PSMD8: variants seen among roughly 807,000 people sequenced by gnomAD.
PSMD8 encodes 26S proteasome non-ATPase regulatory subunit 8.
Under a neutral mutation model 40.0 loss-of-function variants are expected in PSMD8, and 30 were observed. The ratio of observed to expected loss-of-function variants is 0.75; its 90% CI spans 0.56 to 1.02. The LOEUF (loss-of-function observed/expected upper bound fraction) is 1.02, where lower values mean the gene tolerates loss of function less well. PSMD8 is among the 50% of genes least tolerant of loss of function. The pLI is 0.00. For missense variants in PSMD8, 461 were observed against 463.9 expected, an observed-to-expected ratio of 0.99 and a Z score of 0.06; for synonymous variants, 208 against 192.5, an observed-to-expected ratio of 1.08 and a Z score of -0.67.
chr19:38,377,000 C>T (rs1970603405), intron 3 of PSMD8, among the ~76,000 whole-genome samples: 1 of 152,204 alleles, frequency 6.6e-6, no homozygotes, highest in East Asian at 1.9e-4. Flanking sequence ...CAGGGCCAGG[C>T]CCAGAACAGG....
At position 38,383,660 on chromosome 19, in the gene PSMD8, C is replaced by T. The variant is rs1970662926; in HGVS notation, c.*270C>T. The T allele has an allele frequency of 2.0e-6, 1 of 493,338 alleles. No individual in the cohort carries two copies. The allele number at this position is 493,338 out of a possible 1,614,324, so 30.6% of individuals were successfully genotyped here. Reference sequence around the variant, plus strand: ...CGCCCACTGTGGGGCCCCAGCAGCACTGTGGCCTGCAGGAGGGCATGGCCC... The same window carrying T: ...CGCCCACTGTGGGGCCCCAGCAGCATTGTGGCCTGCAGGAGGGCATGGCCC... On this transcript the variant is annotated 3_prime_UTR_variant, in exon 7 of 7. Transcript: ENST00000215071.
intron 6 of PSMD8, chr19:38,382,557 G>A (rs1300416481): frequency 9.4e-6 from 5 of 534,218 alleles, no homozygotes; most frequent in Middle Eastern, 4.9e-4. Context: ...CACGAGCAAC[G>A]CTTGGTGTTG....
At chr19:38,381,030 T>A in intron 5 of PSMD8, 31 bp downstream of exon 5, 1 of 1,489,058 alleles carries the variant, frequency 6.7e-7, no homozygotes, top group Non-Finnish European at 9.0e-7. Context: ...CTGTGGAGTT[T>A]GGAAAGAACT....
At position 38,380,725 on chromosome 19, in the gene PSMD8, T is replaced by TGTGTGTGCGCGCGCGTGCGCGC. The variant is rs1555743513; in HGVS notation, c.703-169_703-168insTGCGCGCGCGTGCGCGCGTGTG. 8.4e-3 allele frequency among the ~76,000 whole-genome samples: 1,256 copies of TGTGTGTGCGCGCGCGTGCGCGC among 150,292 alleles called. 9 individuals are homozygous for TGTGTGTGCGCGCGCGTGCGCGC. The highest frequency in any genetic ancestry group is 0.014 in the Non-Finnish European group (942 of 67,408). On this transcript the variant is annotated intron_variant, in intron 4 of 6. Coordinates refer to ENST00000215071, the MANE Select transcript of PSMD8 (RefSeq NM_002812.5). ...GAGAGAGAGTGTGTGTGTGTGTGTG[T>TGTGTGTGCGCGCGCGTGCGCGC]GTGTGCGCATAAACCAGCAAGGGCT...
intron 3 of PSMD8, among the ~76,000 whole-genome samples, chr19:38,377,065 G>A (rs766993187): frequency 2.7e-4 from 41 of 152,230 alleles, no homozygotes; most frequent in Non-Finnish European, 4.4e-4. Context: ...ACAGATTAAT[G>A]ATTGGGAATT....
intron 3 of PSMD8, among the ~76,000 whole-genome samples, chr19:38,377,647 C>A (rs1407593333): frequency 6.6e-6 from 1 of 152,088 alleles, no homozygotes; most frequent in Non-Finnish European, 1.5e-5. Context: ...CAGGCATGCG[C>A]CACCACGCCC....
intron 3 of PSMD8, among the ~76,000 whole-genome samples, chr19:38,378,950 C>T (rs532238599): frequency 6.6e-6 from 1 of 152,262 alleles, no homozygotes; most frequent in Non-Finnish European, 1.5e-5. Flanking sequence ...GAGACTCCTT[C>T]TCAAAAAATA....
Position 38,383,743 on chromosome 19 carries a change from C to A in PSMD8, c.*353C>A. 1 of 259,668 alleles carries A rather than the reference C, an allele frequency of 3.9e-6. No homozygotes were observed. Among genetic ancestry groups the A allele is most frequent in the South Asian group, 8.7e-5 (1 of 11,504 alleles). The allele number at this position is 259,668 out of a possible 1,614,324, so 16.1% of individuals were successfully genotyped here. A position where few individuals can be genotyped will look rare whatever the true frequency, so the allele number is the denominator to read the frequency against. ...CACATAGGAATGCTGGACCAGGGTA[C>A]CAGATTTTTTCAACAAAGGGGGTGA... is the stretch of plus-strand genomic sequence containing the variant. On this transcript the variant is annotated 3_prime_UTR_variant, in exon 7 of 7. Coordinates refer to ENST00000215071, the MANE Select transcript of PSMD8 (RefSeq NM_002812.5).
At chr19:38,375,270 C>CT in intron 1 of PSMD8, 1 of 364,782 alleles carries the variant, frequency 2.7e-6, no homozygotes, top group South Asian at 2.9e-5. Context: ...TAGCGAGACT[C>CT]TGTCTCTACA....
In PSMD8 at chr19:38,383,407, G is replaced by A. The variant is rs763838814; in HGVS notation, c.*17G>A. The stretch of plus-strand genomic sequence containing the variant: ...ATCGTCTGAGCCCCCCGGGCACTGG[G>A]TGGGGCAGGGCACGAGTTATTTAAA... On this transcript the variant is annotated 3_prime_UTR_variant, in exon 7 of 7. Coordinates refer to ENST00000215071, the MANE Select transcript of PSMD8 (RefSeq NM_002812.5). 1.2e-6 allele frequency: 2 copies of A among 1,613,960 alleles called. No homozygotes were observed. Among genetic ancestry groups the A allele is most frequent in the East Asian group, 2.2e-5 (1 of 44,886 alleles).
At chr19:38,383,032 A>T (rs79520405) in intron 6 of PSMD8, among the ~76,000 whole-genome samples, 16 of 152,290 alleles carry the variant, frequency 1.1e-4, no homozygotes, top group Non-Finnish European at 2.2e-4. Context: ...TGATTCACCA[A>T]ATCCTCACAG....
rs1555743507 is a variant in PSMD8 at position 38,380,707 on chromosome 19, A to AGAGAGAGTGT, written c.703-191_703-190insAGAGAGTGTG. On this transcript the variant is annotated intron_variant, in intron 4 of 6. Coordinates refer to ENST00000215071, the MANE Select transcript of PSMD8 (RefSeq NM_002812.5). The stretch of plus-strand genomic sequence containing the variant: ...GAGGGGGTGAGAGAGAGAGAGAGAG[A>AGAGAGAGTGT]GTGTGTGTGTGTGTGTGTGTGTGCG... Among the ~76,000 whole-genome samples, 192 of 120,938 alleles carry AGAGAGAGTGT rather than the reference A, an allele frequency of 1.6e-3. 1 individual carries two copies. The highest frequency in any genetic ancestry group is 6.0e-3 in the African/African-American group (173 of 28,984). The allele number at this position is 120,938 out of a possible 152,430, so 79.3% of individuals were successfully genotyped here.
At chr19:38,382,674 A>T in intron 6 of PSMD8, 1 of 245,812 alleles carries the variant, frequency 4.1e-6, no homozygotes, top group Non-Finnish European at 7.8e-6. Flanking sequence ...TGGGAGGCTG[A>T]GGTGGGAGGA....
intron 5 of PSMD8, 67 bp from the exon 6 acceptor site, chr19:38,382,050 G>A (rs1170648301): frequency 8.7e-7 from 1 of 1,153,790 alleles, no homozygotes; most frequent in East Asian, 2.6e-5. Context: ...CACATGTCAG[G>A]TCTGGGGGGA....
At chr19:38,383,196 G>A (rs537754877) in intron 6 of PSMD8, 57 bp from the exon 7 acceptor site, 3 of 1,605,066 alleles carry the variant, frequency 1.9e-6, no homozygotes, top group Non-Finnish European at 1.7e-6. Flanking sequence ...GCCCCATAGG[G>A]TGGGGATGGA....
intron 3 of PSMD8, among the ~76,000 whole-genome samples, chr19:38,378,556 G>A (rs946292644): frequency 2.7e-5 from 4 of 150,836 alleles, no homozygotes; most frequent in Non-Finnish European, 5.9e-5. Flanking sequence ...TGCACTTGTA[G>A]TCCCAGCTAC....
intron 1 of PSMD8, chr19:38,375,178 C>A: frequency 2.6e-6 from 2 of 757,324 alleles, no homozygotes; most frequent in South Asian, 1.9e-5. Flanking sequence ...TTGATGGTCA[C>A]GCCTGTAATC....
intron 1 of PSMD8, chr19:38,375,198 T>G: frequency 1.5e-6 from 1 of 647,972 alleles, no homozygotes. Flanking sequence ...CGCAGCGCTT[T>G]GGGAGGCCGA....
chr19:38,377,553 A>G (rs1402873458), intron 3 of PSMD8, among the ~76,000 whole-genome samples: 3 of 150,850 alleles, frequency 2.0e-5, no homozygotes, highest in East Asian at 2.0e-4. Context: ...CTGGAGTGCA[A>G]TGGTGCAATC....
Sources: allele counts gnomAD v4.1 joint callset (sites outside exome capture counted in the v4.1 genomes callset), GRCh38; gene constraint gnomAD v4.1.1; transcripts MANE v1.5; gene names NCBI Gene and HGNC (gene_info 2026-07-23, HGNC 2026-07-21).